Variants in ABI3BP observed in about 807,000 individuals in gnomAD.
ABI3BP encodes the protein ABI family member 3 binding protein.
Under a neutral mutation model 268.6 loss-of-function variants are expected in ABI3BP, and 216 were observed. The observed-to-expected ratio is 0.80, with a 90% confidence interval of 0.72 to 0.90. ABI3BP has a LOEUF of 0.90. Ranked by LOEUF, ABI3BP falls within the 40% of genes least tolerant of loss-of-function variation. The pLI, the probability that ABI3BP is intolerant of heterozygous loss-of-function variation, is 0.00. For missense variants in ABI3BP, 2,090 were observed against 2,182.4 expected (o/e 0.96, Z 0.84); for synonymous variants, 730 against 730.0 (o/e 1.00, Z 0.00).
chr3:100,799,371 T>A (rs2097453257), intron 51 of ABI3BP, among the ~76,000 whole-genome samples: 1 of 152,202 alleles, frequency 6.6e-6, no homozygotes, highest in Non-Finnish European at 1.5e-5. Flanking sequence ...TGTACTGATC[T>A]AAGGGCTGTT....
chr3:100,848,739 A>G (rs1367687972), intron 18 of ABI3BP, 62 bp downstream of exon 18: 20 of 1,528,076 alleles, frequency 1.3e-5, no homozygotes, highest in East Asian at 2.3e-5. Context: ...CCTTCTTACT[A>G]TAAGAAAATG....
intron 49 of ABI3BP, 74 bp from the exon 50 acceptor site, chr3:100,808,309 G>T: frequency 8.6e-7 from 1 of 1,165,776 alleles, no homozygotes; most frequent in East Asian, 2.5e-5. Context: ...TAGAAGCTCA[G>T]GGATGTTTAC....
At chr3:100,869,330 G>GTTTTTTTTTTTTTTT (rs144604645) in intron 9 of ABI3BP, among the ~76,000 whole-genome samples, 621 of 49,732 alleles carry the variant, frequency 0.012, 80 homozygotes, top group Non-Finnish European at 0.014. Flanking sequence ...CTTCTTTTTG[G>GTTTTTTTTTTTTTTT]TTTTTTTTTT....
In ABI3BP at chr3:100,894,965, A is replaced by AAAAAAAC. The variant is rs760156604; in HGVS notation, c.461+3796_461+3797insGTTTTTT. ...AAAAAAAAAAAAAAAAAAAAAAAAA[A>AAAAAAAC]AACAGAAAAAAAAAACACAAGATGA... On this transcript the variant is annotated intron_variant, in intron 4 of 67. Coordinates refer to ENST00000471714, the MANE Select transcript of ABI3BP (RefSeq NM_001375547.2). 2.2e-4 allele frequency among the ~76,000 whole-genome samples: 26 copies of AAAAAAAC among 120,876 alleles called. 2 individuals carry two copies. The highest frequency in any genetic ancestry group is 8.3e-4 in the South Asian group (3 of 3,626). 79.3% of individuals were successfully genotyped at this position (120,876 alleles called of 152,430 possible).
chr3:100,754,519 A>C, intron 64 of ABI3BP, 93 bp downstream of exon 64: 2 of 1,226,762 alleles, frequency 1.6e-6, no homozygotes, highest in Non-Finnish European at 2.3e-6. Flanking sequence ...GAAACAGTAC[A>C]TGTAGTGGGT....
rs1203101202 is a variant in ABI3BP at position 100,817,510 on chromosome 3, T to A, written c.3089-15A>T. 1 of 1,429,176 alleles carries A rather than the reference T, an allele frequency of 7.0e-7. No homozygotes were observed. 88.5% of individuals were successfully genotyped at this position (1,429,176 alleles called of 1,614,324 possible). On this transcript the variant is annotated splice_polypyrimidine_tract_variant and intron_variant, in intron 41 of 67. Transcript: ENST00000471714. The stretch of plus-strand genomic sequence containing the variant: ...TGTAGTAACAACTAGACAAAAATAA[T>A]AAAATAAAGCAAAAAGATTTAACTT...
chr3:100,813,058 T>C (rs1477366051), intron 45 of ABI3BP, among the ~76,000 whole-genome samples: 2 of 152,132 alleles, frequency 1.3e-5, no homozygotes, highest in Non-Finnish European at 2.9e-5. Flanking sequence ...TTTTTGTATC[T>C]TTTGTAGAGT....
chr3:100,810,339 A>G (rs2097828186), intron 49 of ABI3BP, 73 bp downstream of exon 49: 2 of 1,304,400 alleles, frequency 1.5e-6, no homozygotes, highest in Non-Finnish European at 2.1e-6. Context: ...AGGGCCTCTG[A>G]TATCTTGAGG....
intron 31 of ABI3BP, among the ~76,000 whole-genome samples, chr3:100,830,957 G>T (rs1422730975): frequency 6.6e-6 from 1 of 152,088 alleles, no homozygotes; most frequent in Non-Finnish European, 1.5e-5. Context: ...CTTAGAAAAA[G>T]ATATGGTAAA....
At chr3:100,911,875 A>G in intron 2 of ABI3BP, 1 of 1,595,402 alleles carries the variant, frequency 6.3e-7, no homozygotes, top group South Asian at 1.1e-5. Flanking sequence ...ATCTGATCTG[A>G]ATGACGACAG....
Position 100,839,633 on chromosome 3 carries a change from C to T in ABI3BP, c.1898-17G>A. 2.0e-6 allele frequency: 3 copies of T among 1,535,604 alleles called. No individual in the cohort carries two copies. The highest frequency in any genetic ancestry group is 1.2e-5 in the South Asian group (1 of 84,056). The stretch of plus-strand genomic sequence containing the variant: ...GTTCCAGAGCTACAGAAGCAAATAC[C>T]AAAAACATGAAATATTTCAAGAAGT... On this transcript the variant is annotated splice_polypyrimidine_tract_variant and intron_variant, in intron 23 of 67. Transcript: ENST00000471714.
chr3:100,795,143 A>G (rs1323120176), intron 53 of ABI3BP, 140 bp from the exon 54 acceptor site: 1 of 576,280 alleles, frequency 1.7e-6, no homozygotes, highest in Non-Finnish European at 3.0e-6. Context: ...CTTTCAGAAA[A>G]ATGACTGCGG....
intron 1 of ABI3BP, among the ~76,000 whole-genome samples, chr3:100,979,615 T>C (rs1379918849): frequency 6.6e-6 from 1 of 152,184 alleles, no homozygotes; most frequent in Non-Finnish European, 1.5e-5. Context: ...ATGTTTGAAA[T>C]GGACTTTTCT....
chr3:100,867,582 A>G (rs576615264), intron 9 of ABI3BP, among the ~76,000 whole-genome samples: 2 of 137,620 alleles, frequency 1.5e-5, no homozygotes, highest in African/African-American at 5.4e-5. Flanking sequence ...TGGAGCTTGC[A>G]GTGAGCCGAG....
intron 9 of ABI3BP, among the ~76,000 whole-genome samples, chr3:100,873,704 T>C (rs764581650): frequency 9.9e-5 from 15 of 152,158 alleles, no homozygotes; most frequent in Non-Finnish European, 2.1e-4. Flanking sequence ...AAAGAGGAAA[T>C]ATCAACTGAA....
intron 1 of ABI3BP, among the ~76,000 whole-genome samples, chr3:100,946,951 C>T (rs2072706411): frequency 6.6e-6 from 1 of 152,090 alleles, no homozygotes; most frequent in Non-Finnish European, 1.5e-5. Flanking sequence ...AAGACATTAA[C>T]TTTATTTGTA....
chr3:100,850,113 C>T lies in ABI3BP; in HGVS notation c.1433G>A (p.Ser478Asn). 3.1e-6 allele frequency: 5 copies of T among 1,607,056 alleles called. No individual in the cohort carries two copies. Among genetic ancestry groups the T allele is most frequent in the Non-Finnish European group, 4.2e-6 (5 of 1,176,600 alleles). The change falls in exon 17 of 68, where the codon AGT becomes AAT. Residue 478 changes from serine (S) to asparagine (N), a missense_variant. By Grantham distance (46) the Ser-to-Asn change is conservative. Coordinates refer to ENST00000471714, the MANE Select transcript of ABI3BP (RefSeq NM_001375547.2). ...LEQPRATLAP[S>N]ETPFVPQKLE... The stretch of plus-strand genomic sequence containing the variant: ...TTTTTGAGGAACAAATGGTGTTTCA[C>T]TTGGAGCTGAAAGCACAAACACCCC...
chr3:100,764,222 A>G (rs981736704), intron 63 of ABI3BP, among the ~76,000 whole-genome samples: 2 of 152,182 alleles, frequency 1.3e-5, no homozygotes, highest in Non-Finnish European at 2.9e-5. Context: ...CACCTTCTTC[A>G]GGAAGATTTT....
intron 9 of ABI3BP, among the ~76,000 whole-genome samples, chr3:100,868,857 A>ATT (rs2099079440): frequency 1.0e-5 from 1 of 97,864 alleles, no homozygotes; most frequent in Non-Finnish European, 2.5e-5. Flanking sequence ...AAATTTTATC[A>ATT]GTTTTTTTTC....
Sources: allele counts gnomAD v4.1 joint callset (sites outside exome capture counted in the v4.1 genomes callset), GRCh38; gene constraint gnomAD v4.1.1; transcripts MANE v1.5; gene names NCBI Gene and HGNC (gene_info 2026-07-23, HGNC 2026-07-21).